Variants in EFHD1 observed in about 807,000 individuals in gnomAD.
The protein encoded by EFHD1 is EF-hand domain family member D1, also known as EF-hand domain-containing protein D1.
A neutral mutation model predicts 17.2 loss-of-function variants in EFHD1; 10 were observed. That is an observed-to-expected ratio of 0.58 (90% CI 0.36 to 0.99). The LOEUF (loss-of-function observed/expected upper bound fraction) is 0.99. Ranked by LOEUF, EFHD1 falls within the 50% of genes least tolerant of loss-of-function variation. The probability of loss-of-function intolerance (pLI) is 0.01; values close to 1 mark genes in which losing one functional copy is unlikely to be tolerated. For synonymous variants in EFHD1, 153 were observed against 142.0 expected (o/e 1.08, Z -0.55); for missense variants, 310 against 327.5 (o/e 0.95, Z 0.41).
chr2:232,671,168 C>T (rs1695061946), intron 2 of EFHD1, among the ~76,000 whole-genome samples: 1 of 152,064 alleles, frequency 6.6e-6, no homozygotes, highest in Non-Finnish European at 1.5e-5. Flanking sequence ...GGCACAGTGC[C>T]TCACACCTGT....
At chr2:232,666,388 A>G (rs1337602866) in intron 2 of EFHD1, among the ~76,000 whole-genome samples, 1 of 152,152 alleles carries the variant, frequency 6.6e-6, no homozygotes, top group East Asian at 1.9e-4. Context: ...ATACCCCTGG[A>G]GTATAGAAGG....
At chr2:232,648,735 C>T (rs1412335716) in intron 1 of EFHD1, among the ~76,000 whole-genome samples, 3 of 152,126 alleles carry the variant, frequency 2.0e-5, no homozygotes, top group East Asian at 3.9e-4. Context: ...CTAGGGGTCT[C>T]GGTAGAACTT....
chr2:232,646,334 C>T (rs1694526300), intron 1 of EFHD1, among the ~76,000 whole-genome samples: 1 of 152,002 alleles, frequency 6.6e-6, no homozygotes, highest in Non-Finnish European at 1.5e-5. Flanking sequence ...CTGAATGGCC[C>T]CCACAGCCTC....
rs973928445 is a variant in EFHD1 at position 232,682,589 on chromosome 2, G to C, written c.*870G>C. 3.9e-5 allele frequency: 6 copies of C among 152,110 alleles called. No individual in the cohort carries two copies. The highest frequency in any genetic ancestry group is 1.4e-4 in the African/African-American group (6 of 41,410). 9.4% of individuals were successfully genotyped at this position (152,110 alleles called of 1,614,324 possible). On this transcript the variant is annotated 3_prime_UTR_variant, in exon 4 of 4. Coordinates refer to ENST00000264059, the MANE Select transcript of EFHD1 (RefSeq NM_025202.4). Reference sequence around the variant, plus strand: ...AAAGTCATGGCCATACTCACCATTAGCCAGTTTCTAACATCTGTTTCAGGG... The same window carrying C: ...AAAGTCATGGCCATACTCACCATTACCCAGTTTCTAACATCTGTTTCAGGG...
At chr2:232,663,176 G>C (rs1473681957) in intron 2 of EFHD1, among the ~76,000 whole-genome samples, 5 of 152,118 alleles carry the variant, frequency 3.3e-5, no homozygotes, top group Non-Finnish European at 7.4e-5. Context: ...AAAATAATAA[G>C]AAATTTGGCG....
intron 1 of EFHD1, among the ~76,000 whole-genome samples, chr2:232,661,536 A>G (rs1191536380): frequency 2.0e-5 from 3 of 147,810 alleles, no homozygotes; most frequent in Non-Finnish European, 3.0e-5. Flanking sequence ...ATTTCATTGT[A>G]TGGATATACG....
At chr2:232,638,880 T>C (rs901403056) in intron 1 of EFHD1, among the ~76,000 whole-genome samples, 1 of 152,190 alleles carries the variant, frequency 6.6e-6, no homozygotes, top group Non-Finnish European at 1.5e-5. Flanking sequence ...CAATTTTGAA[T>C]TGGGGGGTAG....
At chr2:232,615,672 C>A (rs886722045) in intron 1 of EFHD1, among the ~76,000 whole-genome samples, 24 of 139,458 alleles carry the variant, frequency 1.7e-4, no homozygotes, top group African/African-American at 6.0e-4. Context: ...AATACATTTT[C>A]TTTTTCTTTT....
At chr2:232,629,554 C>T (rs779150204), upstream of EFHD1, among the ~76,000 whole-genome samples, 16 of 151,992 alleles carry the variant, frequency 1.1e-4, no homozygotes, top group Non-Finnish European at 2.1e-4. Context: ...CTGCAACCTC[C>T]GCCTCCCGAG....
At chr2:232,679,389 C>A (rs1695234181) in intron 3 of EFHD1, among the ~76,000 whole-genome samples, 1 of 151,354 alleles carries the variant, frequency 6.6e-6, no homozygotes, top group African/African-American at 2.4e-5. Context: ...AGCAAATATT[C>A]TTTTATCTTT....
At chr2:232,658,767 T>C (rs996899708) in intron 1 of EFHD1, among the ~76,000 whole-genome samples, 41 of 152,240 alleles carry the variant, frequency 2.7e-4, no homozygotes, top group African/African-American at 9.4e-4. Context: ...GAGTGGGGAA[T>C]GACTGCTAAT....
chr2:232,638,524 C>T (rs1286946939), intron 1 of EFHD1: 1 of 462,912 alleles, frequency 2.2e-6, no homozygotes, highest in Non-Finnish European at 4.5e-6. Flanking sequence ...CGTCCCCTCT[C>T]CTCTCCCAGT....
chr2:232,633,976 T>G lies in EFHD1; in HGVS notation c.272T>G (p.Leu91Arg), dbSNP rs1694262140. The G allele has an allele frequency of 1.9e-6, 3 of 1,597,418 alleles. No homozygotes were observed. The highest frequency in any genetic ancestry group is 1.1e-5 in the South Asian group (1 of 91,058). ...GAGTTCCCGGAGTTCAGCCGCCGCC[T>G]CATCAAGGACCTGGAGAGCATGTTC... ...YTEFPEFSRR[L>R]IKDLESMFKL... Residue 91 changes from leucine (L) to arginine (R), a missense_variant, in exon 1 of 4, where the codon CTC becomes CGC. Transcript: ENST00000264059.
At chr2:232,638,455 G>A (rs962214654) in intron 1 of EFHD1, 5 of 471,112 alleles carry the variant, frequency 1.1e-5, no homozygotes, top group Admixed American at 2.3e-5. Flanking sequence ...AGAGTCCCGC[G>A]TTACCAAGAC....
At chr2:232,675,235 G>A (rs58787680) in intron 3 of EFHD1, among the ~76,000 whole-genome samples, 2 of 137,904 alleles carry the variant, frequency 1.5e-5, no homozygotes, top group African/African-American at 5.4e-5. Flanking sequence ...GAAAGAAAGA[G>A]AGAAAGAAAA....
intron 3 of EFHD1, among the ~76,000 whole-genome samples, chr2:232,675,524 C>T (rs1445644016): frequency 6.6e-6 from 1 of 152,178 alleles, no homozygotes; most frequent in African/African-American, 2.4e-5. Context: ...CCCACATCCA[C>T]CTGGGATTTC....
At chr2:232,654,206 CAAA>C (rs929121448) in intron 1 of EFHD1, among the ~76,000 whole-genome samples, 7 of 82,624 alleles carry the variant, frequency 8.5e-5, no homozygotes, top group Admixed American at 1.4e-4. Flanking sequence ...GACTCCATCT[CAAA>C]AAAAAAAAAA....
At chr2:232,625,848 T>G (rs907842200) in intron 1 of EFHD1, among the ~76,000 whole-genome samples, 1 of 151,810 alleles carries the variant, frequency 6.6e-6, no homozygotes, top group East Asian at 2.0e-4. Flanking sequence ...GTTATTGTAC[T>G]CTTCACCATC....
intron 2 of EFHD1, among the ~76,000 whole-genome samples, chr2:232,670,051 A>G (rs1695040296): frequency 6.6e-6 from 1 of 152,212 alleles, no homozygotes; most frequent in Admixed American, 6.5e-5. Flanking sequence ...TTCTTTCCAT[A>G]TGGAAAAATA....
Sources: allele counts gnomAD v4.1 joint callset (sites outside exome capture counted in the v4.1 genomes callset), GRCh38; gene constraint gnomAD v4.1.1; transcripts MANE v1.5; gene names NCBI Gene and HGNC (gene_info 2026-07-23, HGNC 2026-07-21).